The following PAH variants were observed in gnomAD, a reference collection of about 807,000 sequenced individuals.
PAH encodes phenylalanine-4-hydroxylase.
A neutral mutation model predicts 62.0 loss-of-function variants in PAH; 64 were observed. The ratio of observed to expected loss-of-function variants is 1.03; its 90% CI spans 0.84 to 1.27. PAH has a LOEUF of 1.27. Ranked by LOEUF, PAH falls within the 50% of genes most tolerant of loss-of-function variation. The probability of loss-of-function intolerance (pLI) is 0.00; values close to 1 mark genes in which losing one functional copy is unlikely to be tolerated. For synonymous variants in PAH, 195 were observed against 196.2 expected (o/e 0.99, Z 0.05); for missense variants, 579 against 542.8 (o/e 1.07, Z -0.66).
At chr12:102,943,477 T>C (rs573615657) in intron 1 of PAH, among the ~76,000 whole-genome samples, 1 of 152,252 alleles carries the variant, frequency 6.6e-6, no homozygotes, top group Admixed American at 6.5e-5. Context: ...GGTGGGAAAG[T>C]AAATTAGTTT....
chr12:102,910,992 G>A (rs1217299389), intron 2 of PAH, among the ~76,000 whole-genome samples: 1 of 152,176 alleles, frequency 6.6e-6, no homozygotes, highest in East Asian at 1.9e-4. Context: ...GGGTGATTTG[G>A]CTTCAGGCAA....
intron 9 of PAH, among the ~76,000 whole-genome samples, chr12:102,844,757 C>G (rs1874761252): frequency 6.6e-6 from 1 of 152,220 alleles, no homozygotes; most frequent in Non-Finnish European, 1.5e-5. Context: ...TCCAGGCTTT[C>G]TGGCCTTTGG....
chr12:102,867,143 A>T (rs915506112), intron 4 of PAH, among the ~76,000 whole-genome samples: 8 of 152,214 alleles, frequency 5.3e-5, no homozygotes, highest in Admixed American at 3.3e-4. Flanking sequence ...GTTTGTGAGT[A>T]CTAGGAACTG....
chr12:102,903,371 A>ACAC (rs59633303), intron 2 of PAH, among the ~76,000 whole-genome samples: 12 of 132,586 alleles, frequency 9.1e-5, no homozygotes, highest in Admixed American at 2.2e-4. Context: ...AAAAAAAAAA[A>ACAC]ACACACACAC....
Position 102,851,769 on chromosome 12 carries a change from A to T in PAH, c.843-13T>A. The T allele has an allele frequency of 6.2e-7, 1 of 1,612,218 alleles. No individual in the cohort carries two copies. Among genetic ancestry groups the T allele is most frequent in the Non-Finnish European group, 8.5e-7 (1 of 1,178,286 alleles). ...ATGGCAGATGTCACTGAAAGACAGA[A>T]AGCACAGAGAGCTCGGAGGGGAGGA... On this transcript the variant is annotated splice_polypyrimidine_tract_variant and intron_variant, in intron 7 of 12. Transcript: ENST00000553106.
chr12:102,858,287 G>A (rs2264806), intron 5 of PAH, among the ~76,000 whole-genome samples: 56,759 of 151,936 alleles, frequency 0.37, 11,142 homozygotes, highest in Non-Finnish European at 0.43. Context: ...TATCCTAAAT[G>A]TATATGCACC....
At chr12:102,871,949 A>AT (rs1198011375) in intron 4 of PAH, among the ~76,000 whole-genome samples, 2 of 30,332 alleles carry the variant, frequency 6.6e-5, no homozygotes, top group African/African-American at 3.2e-4. Context: ...AAAAAAAAAA[A>AT]ATATATATAT....
At chr12:102,914,130 C>G (rs538017147) in intron 1 of PAH, among the ~76,000 whole-genome samples, 3 of 152,002 alleles carry the variant, frequency 2.0e-5, no homozygotes, top group East Asian at 1.9e-4. Context: ...AGATTTTTGC[C>G]AAAACATCCC....
intron 5 of PAH, among the ~76,000 whole-genome samples, chr12:102,856,530 G>A (rs949328297): frequency 6.6e-6 from 1 of 152,230 alleles, no homozygotes; most frequent in African/African-American, 2.4e-5. Flanking sequence ...CGTACAGACT[G>A]CCTTCTCAAG....
chr12:102,868,101 T>TCAGGGCCTACCAGTA (rs1565854926), intron 4 of PAH, among the ~76,000 whole-genome samples: 5 of 30,326 alleles, frequency 1.6e-4, no homozygotes, highest in South Asian at 9.3e-4. Flanking sequence ...TATATATATA[T>TCAGGGCCTACCAGTA]ATACACATAT....
At chr12:102,903,947 G>A (rs1474472348) in intron 2 of PAH, among the ~76,000 whole-genome samples, 2 of 152,138 alleles carry the variant, frequency 1.3e-5, no homozygotes, top group African/African-American at 4.8e-5. Flanking sequence ...AGACTCTCAG[G>A]AGAGTATTTT....
intron 1 of PAH, among the ~76,000 whole-genome samples, chr12:102,949,286 C>G (rs546948826): frequency 6.6e-6 from 1 of 152,288 alleles, no homozygotes; most frequent in Admixed American, 6.5e-5. Context: ...ATCCTGGCAC[C>G]AGCAAGGACT....
intron 2 of PAH, among the ~76,000 whole-genome samples, chr12:102,905,826 A>T (rs1226016079): frequency 9.2e-5 from 12 of 131,084 alleles, no homozygotes; most frequent in Admixed American, 2.2e-4. Context: ...AGTGGAATTT[A>T]AAAAAAAAAA....
At chr12:102,877,399 A>G in intron 4 of PAH, 63 bp downstream of exon 4, 1 of 1,096,596 alleles carries the variant, frequency 9.1e-7, no homozygotes, top group Non-Finnish European at 1.4e-6. Context: ...AGAAGGTAAG[A>G]GGAAGGGAGG....
chr12:102,869,610 C>G (rs1243861776), intron 4 of PAH, among the ~76,000 whole-genome samples: 2 of 152,206 alleles, frequency 1.3e-5, no homozygotes, highest in Non-Finnish European at 2.9e-5. Flanking sequence ...CTATACAGAT[C>G]TTCCATGTGG....
At chr12:102,950,200 TTCTCTTCCTC>T (rs1370106560) in intron 1 of PAH, 4 of 152,258 alleles carry the variant, frequency 2.6e-5, no homozygotes, top group African/African-American at 7.2e-5. Context: ...TTAGAAATCC[TTCTCTTCCTC>T]TCTCTTCCTC....
At position 102,957,318 on chromosome 12, in the gene PAH, G is replaced by A. The variant is rs982578641; in HGVS notation, c.-96+877C>T. Among the ~76,000 whole-genome samples, 15 of 152,200 alleles carry A rather than the reference G, an allele frequency of 9.9e-5. No individual in the cohort carries two copies. The highest frequency in any genetic ancestry group is 1.3e-4 in the Admixed American group (2 of 15,296). ...TACACCTCAATTCCTAGAGCCATTT[G>A]TCCCTCCTGTGACGCCCCCCACCCC... On this transcript the variant is annotated intron_variant, in intron 1 of 4. Transcript: ENST00000551337. This position sits in a 1 kb window ranked among gnomAD's most constrained non-coding sequence, Gnocchi z 4.1.
rs1555207969 is a variant in PAH, at chr12:102,894,742, TTTC to T, written c.342_344del (p.Lys115del). 1.2e-6 allele frequency: 2 copies of T among 1,614,012 alleles called. No individual in the cohort carries two copies. The highest frequency in any genetic ancestry group is 1.7e-6 in the Non-Finnish European group (2 of 1,179,854). On this transcript the variant is annotated inframe_deletion, in exon 3 of 13. Transcript: ENST00000553106. ...AATTCCTCTAATTCTTACCTGTGTC[TTTC>T]TTCTTATCTCGTGAAAGCTCATGGA...
At chr12:102,939,989 T>C (rs1167272451) in intron 1 of PAH, among the ~76,000 whole-genome samples, 1 of 152,192 alleles carries the variant, frequency 6.6e-6, no homozygotes, top group Non-Finnish European at 1.5e-5. Context: ...AGAGGAGCCA[T>C]GCAACTGAGT....
Sources: gnomAD v4.1 joint callset for allele counts (sites outside exome capture counted in the v4.1 genomes callset) on GRCh38, gnomAD v4.1.1 for gene constraint, Gnocchi (gnomAD v3.1) non-coding constraint, MANE v1.5 for transcripts, NCBI Gene and HGNC (gene_info 2026-07-23, HGNC 2026-07-21) for gene names.